Variants in SP140 observed in about 807,000 individuals in gnomAD.
SP140 encodes the protein SP140 nuclear body protein.
A neutral mutation model predicts 125.0 loss-of-function variants in SP140; 81 were observed. That is an observed-to-expected ratio of 0.65 (90% CI 0.54 to 0.78). The LOEUF is 0.78. Among genes scored for constraint, SP140 ranks in the 30% least tolerant of loss-of-function variants. SP140 has a pLI of 0.00. For missense variants in SP140, 858 were observed against 1,037.0 expected, an observed-to-expected ratio of 0.83 and a Z score of 2.37; for synonymous variants, 312 against 354.0, an observed-to-expected ratio of 0.88 and a Z score of 1.33.
chr2:230,226,013 C>A (rs2149005377), intron 1 of SP140, 110 bp downstream of exon 1: 3 of 816,644 alleles, frequency 3.7e-6, no homozygotes, highest in South Asian at 1.7e-5. Flanking sequence ...CAATAGAATT[C>A]AGTTACAAAT....
chr2:230,279,721 A>G (rs1384091753), intron 15 of SP140, among the ~76,000 whole-genome samples: 1 of 152,142 alleles, frequency 6.6e-6, no homozygotes, highest in Non-Finnish European at 1.5e-5. Context: ...TATCATTTTC[A>G]TCACCCCAAA....
At chr2:230,212,876 G>T in intron 1 of SP140, 1 of 1,614,148 alleles carries the variant, frequency 6.2e-7, no homozygotes, top group Non-Finnish European at 8.5e-7. Flanking sequence ...CAGGCTCACT[G>T]ACTCTTGGCG....
At chr2:230,232,781 T>C (rs910837724) in intron 1 of SP140, among the ~76,000 whole-genome samples, 3 of 152,326 alleles carry the variant, frequency 2.0e-5, no homozygotes, top group Middle Eastern at 6.8e-3. Context: ...ATTTTGTGTA[T>C]CTTTGTTCTT....
intron 1 of SP140, among the ~76,000 whole-genome samples, chr2:230,205,531 C>A (rs1041172084): frequency 1.3e-5 from 2 of 152,114 alleles, no homozygotes; most frequent in Admixed American, 1.3e-4. Flanking sequence ...TTTCCTTCCC[C>A]CAGCCAGGAT....
chr2:230,234,023 A>G (rs2047627989), intron 1 of SP140, among the ~76,000 whole-genome samples: 1 of 152,258 alleles, frequency 6.6e-6, no homozygotes, highest in South Asian at 2.1e-4. Flanking sequence ...CATTTGAGAC[A>G]TCAGTATTGT....
intron 14 of SP140, 43 bp downstream of exon 14, chr2:230,269,996 G>A (rs761096599): frequency 3.0e-6 from 4 of 1,315,856 alleles, no homozygotes; most frequent in East Asian, 2.3e-5. Context: ...GGCTCAGTGG[G>A]CCCCACAGAC....
At chr2:230,270,106 C>A (rs557145513) in intron 14 of SP140, among the ~76,000 whole-genome samples, 153 bp downstream of exon 14, 1 of 151,984 alleles carries the variant, frequency 6.6e-6, no homozygotes, top group Non-Finnish European at 1.5e-5. Flanking sequence ...GGCAAGAGAT[C>A]GTTATAAAGT....
intron 22 of SP140, among the ~76,000 whole-genome samples, chr2:230,303,973 G>C (rs1207231980): frequency 2.6e-5 from 4 of 151,978 alleles, no homozygotes; most frequent in Non-Finnish European, 5.9e-5. Flanking sequence ...AACTGTTGCT[G>C]GTCGCCAATA....
chr2:230,259,046 G>A (rs950880797), intron 12 of SP140, among the ~76,000 whole-genome samples: 7 of 152,256 alleles, frequency 4.6e-5, no homozygotes, highest in African/African-American at 1.4e-4. Flanking sequence ...TGTCTGTCAC[G>A]TTTTGAAGTG....
At position 230,211,668 on chromosome 2, in the gene SP140, A is replaced by G; in HGVS notation, c.-322-1986A>G. The stretch of plus-strand genomic sequence containing the variant: ...AAAAATGACGGGGTAACAGCAACCA[A>G]GGCCTGGGAAAGGATGGCATAGAGT... On this transcript the variant is annotated intron_variant, in intron 1 of 4. Transcript: ENST00000456542. The surrounding 1 kb of genome is among the most constrained non-coding windows in gnomAD (Gnocchi z 4.2). 1.4e-6 allele frequency: 1 copy of G among 735,386 alleles called. No homozygotes were observed. The highest frequency in any genetic ancestry group is 2.5e-6 in the Non-Finnish European group (1 of 405,842). The allele number at this position is 735,386 out of a possible 1,614,324, so 45.6% of individuals were successfully genotyped here.
chr2:230,243,621 G>A, intron 4 of SP140, 110 bp from the exon 5 acceptor site: 7 of 815,390 alleles, frequency 8.6e-6, no homozygotes, highest in Non-Finnish European at 1.4e-5. Context: ...GGGGAGAGGG[G>A]ACCTTCCAGA....
intron 23 of SP140, chr2:230,310,394 A>T: frequency 2.0e-6 from 1 of 499,010 alleles, no homozygotes; most frequent in East Asian, 3.9e-5. Context: ...GCACGATCTC[A>T]TTGGGCTGTT....
intron 10 of SP140, among the ~76,000 whole-genome samples, chr2:230,252,087 G>A (rs2050459530): frequency 6.6e-6 from 1 of 151,994 alleles, no homozygotes; most frequent in Non-Finnish European, 1.5e-5. Flanking sequence ...TTATTAACAA[G>A]TAAAGCAAGC....
intron 3 of SP140, chr2:230,216,637 C>G (rs1420345734): frequency 1.0e-6 from 1 of 968,806 alleles, no homozygotes; most frequent in Non-Finnish European, 1.6e-6. Flanking sequence ...TCTCTCCTAA[C>G]TACCCCCACC....
Position 230,212,753 on chromosome 2 carries a change from T to C in SP140, c.-322-901T>C, listed in dbSNP as rs114743173. On this transcript the variant is annotated intron_variant, in intron 1 of 4. Coordinates refer to the SP140 transcript ENST00000456542. ...ATATACAGGTGTTGGATGGGATCTG[T>C]TTCTCACCTGAAGTGCTTCTTCCTT... 5.1e-4 allele frequency: 819 copies of C among 1,613,996 alleles called. 3 individuals are homozygous for C. The African/African-American group carries it at 6.7e-3, about 13-fold the overall frequency.
chr2:230,223,080 A>G (rs1320915718), upstream of SP140, among the ~76,000 whole-genome samples: 1 of 148,148 alleles, frequency 6.8e-6, no homozygotes, highest in Non-Finnish European at 1.5e-5. Context: ...GTCTGTCTCC[A>G]GGCTAGAGTG....
At chr2:230,187,583 G>T in the SP140 span, among the ~76,000 whole-genome samples, 1 of 152,022 alleles carries the variant, frequency 6.6e-6, no homozygotes. Context: ...ATGTCCAGAA[G>T]AGTTTTTCCT....
At chr2:230,219,348 G>C (rs1444496807) in intron 3 of SP140, among the ~76,000 whole-genome samples, 4 of 152,202 alleles carry the variant, frequency 2.6e-5, no homozygotes, top group African/African-American at 9.6e-5. Context: ...TGAGTGGGAA[G>C]GTCAACAGGT....
At chr2:230,186,251 T>G in the SP140 span, 1 of 1,071,756 alleles carries the variant, frequency 9.3e-7, no homozygotes, top group Non-Finnish European at 1.4e-6. Context: ...TCTCTTTTCT[T>G]GTGTGTATCT....
Sources: allele counts gnomAD v4.1 joint callset (sites outside exome capture counted in the v4.1 genomes callset), GRCh38; gene constraint gnomAD v4.1.1; non-coding constraint Gnocchi (gnomAD v3.1); transcripts MANE v1.5; gene names NCBI Gene and HGNC (gene_info 2026-07-23, HGNC 2026-07-21).